PRKCA: variants seen among roughly 807,000 people sequenced by gnomAD.
The protein encoded by PRKCA is protein kinase C alpha.
PRKCA carries 27 observed loss-of-function variants against 87.0 expected under a neutral mutation model. That is an observed-to-expected ratio of 0.31 (90% CI 0.23 to 0.43). The LOEUF is 0.43. PRKCA is among the 20% of genes least tolerant of loss of function. The pLI is 1.00. For missense variants in PRKCA, 518 were observed against 852.3 expected, an observed-to-expected ratio of 0.61 and a Z score of 4.88; for synonymous variants, 329 against 311.1, an observed-to-expected ratio of 1.06 and a Z score of -0.61.
At chr17:66,778,528 G>GA (rs921626807) in intron 14 of PRKCA, among the ~76,000 whole-genome samples, 2 of 151,728 alleles carry the variant, frequency 1.3e-5, no homozygotes, top group Admixed American at 6.6e-5. Context: ...AAAAATAAAA[G>GA]AAAAAAAGAA....
At chr17:66,558,253 C>T (rs185082725) in intron 3 of PRKCA, among the ~76,000 whole-genome samples, 23 of 152,320 alleles carry the variant, frequency 1.5e-4, no homozygotes, top group Non-Finnish European at 2.8e-4. Context: ...TAAACATTTC[C>T]CCTCCTGGGG....
At chr17:66,468,864 G>T (rs960547674) in intron 2 of PRKCA, among the ~76,000 whole-genome samples, 12 of 152,100 alleles carry the variant, frequency 7.9e-5, no homozygotes, top group Admixed American at 3.9e-4. Context: ...TCTCTATTTT[G>T]CAATCCTCTC....
intron 8 of PRKCA, among the ~76,000 whole-genome samples, chr17:66,726,134 GAA>G: frequency 7.3e-6 from 1 of 136,968 alleles, no homozygotes. Flanking sequence ...GTGCAGGACA[GAA>G]AGCTCAGGTG....
chr17:66,623,920 C>A (rs76567263), intron 3 of PRKCA, among the ~76,000 whole-genome samples: 4,322 of 152,040 alleles, frequency 0.028, 214 homozygotes, highest in African/African-American at 0.099. Flanking sequence ...ATGTTTAAAA[C>A]CTATGCTGAG....
chr17:66,502,117 A>G (rs1359395537), intron 3 of PRKCA, among the ~76,000 whole-genome samples: 2 of 152,180 alleles, frequency 1.3e-5, no homozygotes, highest in East Asian at 3.9e-4. Flanking sequence ...CTGTTCATGA[A>G]GCCCACCCTG....
chr17:66,790,081 G>A (rs1030285629), intron 16 of PRKCA, among the ~76,000 whole-genome samples: 2 of 152,158 alleles, frequency 1.3e-5, no homozygotes, highest in Admixed American at 6.5e-5. Context: ...TGTTGGTTTC[G>A]CTCAAATGTG....
At chr17:66,728,971 A>G (rs532847565) in intron 8 of PRKCA, among the ~76,000 whole-genome samples, 10 of 152,380 alleles carry the variant, frequency 6.6e-5, no homozygotes, top group Admixed American at 3.3e-4. Flanking sequence ...GGGTGTTTTC[A>G]GATGTTATTG....
At chr17:66,553,181 C>T (rs943205604) in intron 3 of PRKCA, among the ~76,000 whole-genome samples, 5 of 151,874 alleles carry the variant, frequency 3.3e-5, no homozygotes, top group African/African-American at 9.7e-5. Flanking sequence ...GGGGTTTTGC[C>T]GTGTTGCCCA....
intron 13 of PRKCA, among the ~76,000 whole-genome samples, chr17:66,768,395 T>C (rs1488675253): frequency 6.6e-6 from 1 of 152,160 alleles, no homozygotes; most frequent in African/African-American, 2.4e-5. Context: ...CCCCTATTCA[T>C]TTTTAAGTTT....
chr17:66,482,310 AC>A (rs1193352353), intron 2 of PRKCA, among the ~76,000 whole-genome samples: 1 of 152,004 alleles, frequency 6.6e-6, no homozygotes, highest in African/African-American at 2.4e-5. Context: ...TCAGAATAAA[AC>A]TGTAGCTTAG....
intron 3 of PRKCA, among the ~76,000 whole-genome samples, chr17:66,555,947 G>A (rs1214440920): frequency 1.3e-5 from 2 of 151,968 alleles, no homozygotes; most frequent in Non-Finnish European, 2.9e-5. Flanking sequence ...TAAATATAGA[G>A]CCTTCTCATT....
chr17:66,449,239 C>T (rs950826431), intron 2 of PRKCA, among the ~76,000 whole-genome samples: 3 of 151,868 alleles, frequency 2.0e-5, no homozygotes, highest in African/African-American at 4.8e-5. Context: ...TAGTGAGCAG[C>T]GATAGCACCA....
chr17:66,397,690 C>A (rs1759272537), intron 2 of PRKCA, among the ~76,000 whole-genome samples: 1 of 151,990 alleles, frequency 6.6e-6, no homozygotes. Context: ...TTGAATACAT[C>A]AAGGGCCTCT....
chr17:66,732,780 G>C lies in PRKCA; in HGVS notation c.1011G>C (p.Thr337=). The stretch of plus-strand genomic sequence containing the variant: ...ACAACCTTGACCGAGTGAAACTCAC[G>C]GACTTCAATTTCCTCATGGTGTTGG... ...PSNNLDRVKL[T]DFNFLMVLGK... The change falls in exon 9 of 17, where the codon ACG becomes ACC. Residue 337 remains threonine, a synonymous_variant. Transcript: ENST00000413366. 2 of 1,614,132 alleles carry C rather than the reference G, an allele frequency of 1.2e-6. No individual in the cohort carries two copies. Among genetic ancestry groups the C allele is most frequent in the Non-Finnish European group, 1.7e-6 (2 of 1,180,012 alleles).
chr17:66,460,898 G>A (rs1914818899), intron 2 of PRKCA, among the ~76,000 whole-genome samples: 1 of 152,084 alleles, frequency 6.6e-6, no homozygotes, highest in African/African-American at 2.4e-5. Context: ...TGTTGTGTCT[G>A]TTTCTTCCTT....
intron 5 of PRKCA, among the ~76,000 whole-genome samples, chr17:66,673,305 C>T (rs1972243026): frequency 2.0e-5 from 3 of 152,294 alleles, no homozygotes; most frequent in Middle Eastern, 6.8e-3. Context: ...TGATGAGTTG[C>T]CAACCTGTGT....
At chr17:66,681,693 G>T (rs1400094906) in intron 5 of PRKCA, among the ~76,000 whole-genome samples, 1 of 152,158 alleles carries the variant, frequency 6.6e-6, no homozygotes, top group African/African-American at 2.4e-5. Context: ...CTAATAAGTG[G>T]CAGGGCAGAG....
chr17:66,548,203 T>C (rs1188452754), intron 3 of PRKCA, among the ~76,000 whole-genome samples: 1 of 152,132 alleles, frequency 6.6e-6, no homozygotes, highest in Non-Finnish European at 1.5e-5. Flanking sequence ...TCCTTACACT[T>C]CTCCTTAGCT....
intron 2 of PRKCA, among the ~76,000 whole-genome samples, chr17:66,351,624 G>C (rs573720394): frequency 6.6e-6 from 1 of 152,264 alleles, no homozygotes; most frequent in East Asian, 1.9e-4. Flanking sequence ...TGTGCTATAA[G>C]CTATTCTCCT....
Sources: allele counts gnomAD v4.1 joint callset (sites outside exome capture counted in the v4.1 genomes callset), GRCh38; gene constraint gnomAD v4.1.1; transcripts MANE v1.5; gene names NCBI Gene and HGNC (gene_info 2026-07-23, HGNC 2026-07-21).